The following PTP4A1 variants were observed in gnomAD, a reference collection of about 807,000 sequenced individuals.
PTP4A1 encodes the protein protein tyrosine phosphatase type IVA 1.
A neutral mutation model predicts 20.5 loss-of-function variants in PTP4A1; 9 were observed. The observed-to-expected ratio is 0.44, with a 90% CI of 0.26 to 0.77. PTP4A1 has a LOEUF of 0.77. Among genes scored for constraint, PTP4A1 ranks in the 30% least tolerant of loss-of-function variants. The pLI is 0.19. For missense variants in PTP4A1, 137 were observed against 218.8 expected (o/e 0.63, Z 2.36); for synonymous variants, 78 against 67.4 (o/e 1.16, Z -0.77).
intron 2 of PTP4A1, among the ~76,000 whole-genome samples, chr6:63,544,957 A>G (rs1174704235): frequency 6.6e-6 from 1 of 152,206 alleles, no homozygotes; most frequent in Non-Finnish European, 1.5e-5. Flanking sequence ...CATATTGCAT[A>G]TCAAACTTTC....
chr6:63,580,056 G>A lies in PTP4A1; in HGVS notation c.405-1G>A, dbSNP rs1235615129. On this transcript the variant is annotated splice_acceptor_variant, in intron 5 of 5. Transcript: ENST00000626021. LOFTEE classifies it high-confidence loss of function. ...TCATTTTTTTTTTTTTTTCCTCCCA[G>A]AAAGCGGCGTGGAGCTTTTAACAGC... 3.2e-6 allele frequency: 5 copies of A among 1,556,646 alleles called. No individual in the cohort carries two copies. The highest frequency in any genetic ancestry group is 1.1e-5 in the South Asian group (1 of 87,660).
At chr6:63,555,935 C>G (rs996346367) in intron 3 of PTP4A1, among the ~76,000 whole-genome samples, 10 of 152,112 alleles carry the variant, frequency 6.6e-5, no homozygotes, top group Non-Finnish European at 1.3e-4. Context: ...AAGTGATCTG[C>G]CTGCCTCAGC....
chr6:63,549,364 C>A, intron 2 of PTP4A1: 1 of 754,398 alleles, frequency 1.3e-6, no homozygotes, highest in Non-Finnish European at 2.4e-6. Context: ...GGTTAGGTCT[C>A]TTTTGGGCTG....
At chr6:63,541,485 A>G (rs1775969329) in intron 2 of PTP4A1, among the ~76,000 whole-genome samples, 2 of 151,618 alleles carry the variant, frequency 1.3e-5, no homozygotes, top group Non-Finnish European at 2.9e-5. Flanking sequence ...CCCCGGAGGC[A>G]GAGGTTGCAG....
chr6:63,564,005 TG>T (rs1028427161), intron 3 of PTP4A1, among the ~76,000 whole-genome samples: 3 of 152,230 alleles, frequency 2.0e-5, no homozygotes, highest in African/African-American at 7.2e-5. Context: ...TATTTAATGG[TG>T]GCTCACGCCT....
intron 3 of PTP4A1, among the ~76,000 whole-genome samples, chr6:63,565,521 T>C (rs1311763855): frequency 6.6e-6 from 1 of 152,206 alleles, no homozygotes; most frequent in Non-Finnish European, 1.5e-5. Context: ...TTTGATATGA[T>C]GACTTGATAA....
intron 3 of PTP4A1, among the ~76,000 whole-genome samples, chr6:63,561,311 G>A (rs1433518633): frequency 2.6e-5 from 4 of 152,092 alleles, no homozygotes; most frequent in Non-Finnish European, 5.9e-5. Flanking sequence ...TTTATGAAAG[G>A]TTTAATATAG....
chr6:63,544,569 G>T (rs1776106737), intron 2 of PTP4A1, among the ~76,000 whole-genome samples: 2 of 151,972 alleles, frequency 1.3e-5, no homozygotes, highest in Admixed American at 6.6e-5. Context: ...AAAAACCTGG[G>T]TCACAGACTG....
At chr6:63,555,132 T>C (rs962430499) in intron 3 of PTP4A1, among the ~76,000 whole-genome samples, 8 of 152,154 alleles carry the variant, frequency 5.3e-5, no homozygotes, top group African/African-American at 1.9e-4. Flanking sequence ...TTTCTGGTAA[T>C]ATAAGAATAG....
At chr6:63,554,455 T>G (rs541765654) in intron 3 of PTP4A1, among the ~76,000 whole-genome samples, 1 of 152,000 alleles carries the variant, frequency 6.6e-6, no homozygotes, top group Non-Finnish European at 1.5e-5. Flanking sequence ...CCAGCCTGAA[T>G]TAGGTATCTC....
intron 2 of PTP4A1, among the ~76,000 whole-genome samples, chr6:63,529,496 C>G (rs1581911060): frequency 6.6e-6 from 1 of 152,208 alleles, no homozygotes; most frequent in East Asian, 1.9e-4. Flanking sequence ...CCTTGCCTCT[C>G]TTGTCTCTTT....
chr6:63,578,431 A>G lies in PTP4A1; in HGVS notation c.106-6A>G, dbSNP rs1038370207. On this transcript the variant is annotated splice_region_variant and splice_polypyrimidine_tract_variant and intron_variant, in intron 2 of 5. Coordinates refer to ENST00000626021, the MANE Select transcript of PTP4A1 (RefSeq NM_003463.5). ...TTAAGATTTTTTTAATGTACGTTTT[A>G]TCCAGGAACTTAAGAAGTATGGAGT... 6.2e-6 allele frequency: 10 copies of G among 1,600,310 alleles called. No individual in the cohort carries two copies. The highest frequency in any genetic ancestry group is 7.6e-6 in the Non-Finnish European group (9 of 1,176,520).
intron 2 of PTP4A1, among the ~76,000 whole-genome samples, chr6:63,531,313 G>C (rs764571635): frequency 6.6e-6 from 1 of 152,122 alleles, no homozygotes; most frequent in Non-Finnish European, 1.5e-5. Context: ...ATACCGATTT[G>C]TGAGGCCTGT....
At chr6:63,520,981 G>A (rs1162721604), upstream of PTP4A1, among the ~76,000 whole-genome samples, 1 of 152,022 alleles carries the variant, frequency 6.6e-6, no homozygotes, top group Non-Finnish European at 1.5e-5. Flanking sequence ...ACTAACACAG[G>A]AACAGGAAAC....
chr6:63,552,105 G>A (rs1776474820), intron 3 of PTP4A1, among the ~76,000 whole-genome samples: 1 of 152,132 alleles, frequency 6.6e-6, no homozygotes, highest in Admixed American at 6.5e-5. Flanking sequence ...CTAGATCCCT[G>A]AGGAATCGCC....
chr6:63,563,087 C>T (rs1777035417), intron 3 of PTP4A1, among the ~76,000 whole-genome samples: 1 of 152,210 alleles, frequency 6.6e-6, no homozygotes, highest in Non-Finnish European at 1.5e-5. Flanking sequence ...ATAGTCAACA[C>T]CAACATTGTC....
chr6:63,570,625 A>C (rs1216906509), upstream of PTP4A1, among the ~76,000 whole-genome samples: 1 of 152,202 alleles, frequency 6.6e-6, no homozygotes, highest in Non-Finnish European at 1.5e-5. Flanking sequence ...TCTGTTAATC[A>C]TTTGCTGAGT....
intron 2 of PTP4A1, among the ~76,000 whole-genome samples, chr6:63,542,031 GT>G (rs1776001777): frequency 3.4e-5 from 4 of 116,228 alleles, no homozygotes; most frequent in Non-Finnish European, 7.2e-5. Flanking sequence ...TGGTGTGTGT[GT>G]GTGTGTGTGT....
chr6:63,536,296 C>T (rs1430664465), intron 2 of PTP4A1, among the ~76,000 whole-genome samples: 1 of 152,078 alleles, frequency 6.6e-6, no homozygotes, highest in African/African-American at 2.4e-5. Flanking sequence ...TGCCACTGCA[C>T]TCCAGCCTGA....
Sources: allele counts gnomAD v4.1 joint callset (sites outside exome capture counted in the v4.1 genomes callset), GRCh38; gene constraint gnomAD v4.1.1; transcripts MANE v1.5; gene names NCBI Gene and HGNC (gene_info 2026-07-23, HGNC 2026-07-21).